Variants in CFAP95 observed in about 807,000 individuals in gnomAD.
CFAP95 encodes cilia- and flagella-associated protein 95.
chr9:69,892,733 G>A, the CFAP95 span, among the ~76,000 whole-genome samples: 4 of 152,160 alleles, frequency 2.6e-5, no homozygotes, highest in Non-Finnish European at 5.9e-5. Context: ...CAGAGCAGCA[G>A]AGAAGGAGAG....
chr9:69,841,869 G>A, the CFAP95 span, among the ~76,000 whole-genome samples: 13 of 152,076 alleles, frequency 8.5e-5, no homozygotes, highest in African/African-American at 1.9e-4. Flanking sequence ...GGAAAGACCC[G>A]CCCCCATGAT....
chr9:69,835,489 C>A, the CFAP95 span, among the ~76,000 whole-genome samples: 3 of 152,314 alleles, frequency 2.0e-5, no homozygotes, highest in South Asian at 6.2e-4. Context: ...GGACTAGCAT[C>A]TCTATATGCA....
At chr9:69,871,293 A>G in the CFAP95 span, among the ~76,000 whole-genome samples, 2 of 152,174 alleles carry the variant, frequency 1.3e-5, no homozygotes, top group Non-Finnish European at 2.9e-5. Context: ...TGGTTCATCA[A>G]GCAAGAATTT....
the CFAP95 span, among the ~76,000 whole-genome samples, chr9:69,837,962 T>C: frequency 6.6e-6 from 1 of 152,242 alleles, no homozygotes; most frequent in East Asian, 1.9e-4. Flanking sequence ...CTAGCCAGTT[T>C]TCCCAGCACC....
At chr9:69,844,126 G>A in the CFAP95 span, among the ~76,000 whole-genome samples, 16 of 152,056 alleles carry the variant, frequency 1.1e-4, no homozygotes. Context: ...GAAAAAAATT[G>A]TAATTAAAAT....
chr9:69,843,889 G>T, the CFAP95 span, among the ~76,000 whole-genome samples: 1 of 151,782 alleles, frequency 6.6e-6, no homozygotes, highest in Admixed American at 6.6e-5. Flanking sequence ...GGATCTGCCT[G>T]CCTCCCAAAG....
At chr9:69,857,789 A>G in the CFAP95 span, 1 of 810,450 alleles carries the variant, frequency 1.2e-6, no homozygotes, top group Non-Finnish European at 1.9e-6. Context: ...CGGCCTCCCA[A>G]AGTTCTGGGA....
chr9:69,900,717 C>G, the CFAP95 span, among the ~76,000 whole-genome samples: 1 of 152,194 alleles, frequency 6.6e-6, no homozygotes, highest in Non-Finnish European at 1.5e-5. Flanking sequence ...ACCTTAGGAT[C>G]TCATCCATGC....
At chr9:69,854,727 C>T in the CFAP95 span, among the ~76,000 whole-genome samples, 1 of 152,224 alleles carries the variant, frequency 6.6e-6, no homozygotes, top group African/African-American at 2.4e-5. Context: ...GAGGCACTGG[C>T]AGGTGACCAG....
the CFAP95 span, among the ~76,000 whole-genome samples, chr9:69,849,834 T>G: frequency 6.6e-6 from 1 of 152,230 alleles, no homozygotes; most frequent in Non-Finnish European, 1.5e-5. Flanking sequence ...TTCAAGCCAC[T>G]GGGTTTGCCC....
the CFAP95 span, among the ~76,000 whole-genome samples, chr9:69,853,531 A>G: frequency 6.6e-6 from 1 of 152,232 alleles, no homozygotes; most frequent in Admixed American, 6.5e-5. Flanking sequence ...GCTATCTCAC[A>G]TACCAAATTG....
chr9:69,858,775 A>T, the CFAP95 span, among the ~76,000 whole-genome samples: 3 of 152,240 alleles, frequency 2.0e-5, no homozygotes, highest in African/African-American at 7.2e-5. Context: ...TTCATAGAAC[A>T]TTACTGTGAA....
chr9:69,857,955 C>T, the CFAP95 span: 1 of 1,614,068 alleles, frequency 6.2e-7, no homozygotes, highest in Non-Finnish European at 8.5e-7. Flanking sequence ...CTTTCCTAGA[C>T]ATCCACCGGA....
chr9:69,865,325 T>C, the CFAP95 span, among the ~76,000 whole-genome samples: 2 of 152,128 alleles, frequency 1.3e-5, no homozygotes, highest in Non-Finnish European at 2.9e-5. Flanking sequence ...CTAATACAGA[T>C]GAGGAGGAGG....
At chr9:69,892,741 G>A in the CFAP95 span, among the ~76,000 whole-genome samples, 2 of 152,162 alleles carry the variant, frequency 1.3e-5, no homozygotes, top group Non-Finnish European at 2.9e-5. Context: ...CAGAGAAGGA[G>A]AGAAGAGAAA....
At chr9:69,855,520 TAAG>T in the CFAP95 span, among the ~76,000 whole-genome samples, 2 of 152,164 alleles carry the variant, frequency 1.3e-5, no homozygotes, top group African/African-American at 2.4e-5. Flanking sequence ...CCTGAACATC[TAAG>T]AAGAAGAGTA....
At chr9:69,858,620 G>A in the CFAP95 span, among the ~76,000 whole-genome samples, 1 of 152,152 alleles carries the variant, frequency 6.6e-6, no homozygotes, top group South Asian at 2.1e-4. Context: ...CAAAAAATAA[G>A]ATGTCTTTAA....
At chr9:69,844,489 C>G in the CFAP95 span, 15 of 1,465,200 alleles carry the variant, frequency 1.0e-5, no homozygotes, top group South Asian at 1.6e-4. Context: ...AACTACATCT[C>G]TTAACGGACT....
the CFAP95 span, among the ~76,000 whole-genome samples, chr9:69,893,940 A>C: frequency 6.6e-6 from 1 of 152,184 alleles, no homozygotes; most frequent in African/African-American, 2.4e-5. Flanking sequence ...AAATGAAATG[A>C]GTGAGAGTTT....
Sources: gnomAD v4.1 joint callset for allele counts (sites outside exome capture counted in the v4.1 genomes callset) on GRCh38, gnomAD v4.1.1 for gene constraint, MANE v1.5 for transcripts, NCBI Gene and HGNC (gene_info 2026-07-23, HGNC 2026-07-21) for gene names.